The following SLCO1B3 variants were observed in gnomAD, a reference collection of about 807,000 sequenced individuals.
SLCO1B3 encodes the protein liver-specific organic anion transporter 2.
A neutral mutation model predicts 71.8 loss-of-function variants in SLCO1B3; 72 were observed. The ratio of observed to expected loss-of-function variants is 1.00; its 90% confidence interval spans 0.83 to 1.22. The LOEUF (loss-of-function observed/expected upper bound fraction) is 1.22. Ranked by LOEUF, SLCO1B3 falls within the 50% of genes most tolerant of loss-of-function variation. The pLI, the probability that SLCO1B3 is intolerant of heterozygous loss-of-function variation, is 0.00. For missense variants in SLCO1B3, 911 were observed against 819.7 expected, an observed-to-expected ratio of 1.11 and a Z score of -1.36; for synonymous variants, 298 against 278.4, an observed-to-expected ratio of 1.07 and a Z score of -0.70.
chr12:20,839,040 A>G (rs1450287492), intron 3 of SLCO1B3, among the ~76,000 whole-genome samples: 2 of 152,002 alleles, frequency 1.3e-5, no homozygotes, highest in Non-Finnish European at 2.9e-5. Flanking sequence ...CTTTCAAATT[A>G]CACCATACTG....
intron 13 of SLCO1B3, among the ~76,000 whole-genome samples, chr12:20,893,879 A>G (rs1865951570): frequency 6.6e-6 from 1 of 152,218 alleles, no homozygotes; most frequent in African/African-American, 2.4e-5. Flanking sequence ...CAAAACATCA[A>G]TTGAAAAGGC....
intron 3 of SLCO1B3, among the ~76,000 whole-genome samples, chr12:20,851,306 A>G (rs1049025812): frequency 6.6e-6 from 1 of 152,168 alleles, no homozygotes; most frequent in Non-Finnish European, 1.5e-5. Flanking sequence ...AGTGGATCCA[A>G]CTTTTTCACA....
chr12:20,910,439 T>C (rs1227301264), intron 15 of SLCO1B3, among the ~76,000 whole-genome samples: 1 of 152,196 alleles, frequency 6.6e-6, no homozygotes, highest in Non-Finnish European at 1.5e-5. Flanking sequence ...ATTTAGCATC[T>C]TTTGCCTCTT....
At chr12:20,849,651 A>T (rs2121203199) in intron 3 of SLCO1B3, among the ~76,000 whole-genome samples, 1 of 152,032 alleles carries the variant, frequency 6.6e-6, no homozygotes, top group East Asian at 1.9e-4. Context: ...AGAGAAGCCC[A>T]AAGAATCCAC....
rs760250617 is a variant in SLCO1B3, at chr12:20,877,857, T to G, written c.1056T>G (p.Phe352Leu). The G allele has an allele frequency of 3.1e-6, 5 of 1,591,016 alleles. No homozygotes were observed. Among genetic ancestry groups the G allele is most frequent in the Non-Finnish European group, 4.3e-6 (5 of 1,169,078 alleles). Residue 352 changes from phenylalanine to leucine, a missense_variant, in exon 10 of 16, where the codon TTT (phenylalanine) becomes TTG (leucine). By Grantham distance (22) the Phe-to-Leu change is conservative. Coordinates refer to ENST00000381545, the MANE Select transcript of SLCO1B3 (RefSeq NM_019844.4). Reference sequence around the variant, plus strand: ...TGACATTGTTACAAGTAAGCAGCTTTATTGGTTCTTTTACTTACGTCTTTA... The same window carrying G: ...TGACATTGTTACAAGTAAGCAGCTTGATTGGTTCTTTTACTTACGTCTTTA... ...LLLTLLQVSS[F>L]IGSFTYVFKY...
At chr12:20,911,565 G>T (rs150780708) in intron 15 of SLCO1B3, among the ~76,000 whole-genome samples, 1 of 152,130 alleles carries the variant, frequency 6.6e-6, no homozygotes, top group Non-Finnish European at 1.5e-5. Flanking sequence ...AACCCATCTT[G>T]GTTTGGTGTT....
In SLCO1B3 at chr12:20,878,012, T is replaced by C. The variant is rs989581054; in HGVS notation, c.1135+76T>C. 7 of 967,410 alleles carry C rather than the reference T, an allele frequency of 7.2e-6. No homozygotes were observed. In the African/African-American group the frequency reaches 8.6e-5, roughly 12 times the overall value. The allele number at this position is 967,410 out of a possible 1,614,324, so 59.9% of individuals were successfully genotyped here. A position where few individuals can be genotyped will look rare whatever the true frequency, so the allele number is the denominator to read the frequency against. On this transcript the variant is annotated intron_variant, in intron 10 of 15. Transcript: ENST00000381545. Reference sequence around the variant, plus strand: ...ACTTGTGTTCCAAGTCACATTTTATTATGAAGGTGATTTTATATTTTACTA... The same window carrying C: ...ACTTGTGTTCCAAGTCACATTTTATCATGAAGGTGATTTTATATTTTACTA...
At chr12:20,841,171 T>C (rs964137917) in intron 3 of SLCO1B3, among the ~76,000 whole-genome samples, 2 of 152,184 alleles carry the variant, frequency 1.3e-5, no homozygotes, top group Non-Finnish European at 2.9e-5. Context: ...ATATTTACTT[T>C]GTCTCTCCAT....
At chr12:20,856,750 A>T (rs7307957) in intron 4 of SLCO1B3, among the ~76,000 whole-genome samples, 1 of 152,042 alleles carries the variant, frequency 6.6e-6, no homozygotes, top group East Asian at 1.9e-4. Flanking sequence ...AAGTGGAGAC[A>T]GGTTTTCACC....
rs1865251071 is a variant in SLCO1B3, at chr12:20,861,005, T to C, written c.360-12T>C. The C allele has an allele frequency of 6.4e-7, 1 of 1,552,854 alleles. No individual in the cohort carries two copies. Among genetic ancestry groups the C allele is most frequent in the South Asian group, 1.2e-5 (1 of 83,250 alleles). On this transcript the variant is annotated splice_polypyrimidine_tract_variant and intron_variant, in intron 5 of 15. Transcript: ENST00000381545. ...GATAAGCAAAATGTTCAATTTCATGTTGCTCTTACAGTTATAGGTATTCTA... is the reference window on the plus strand; with the variant it reads ...GATAAGCAAAATGTTCAATTTCATGCTGCTCTTACAGTTATAGGTATTCTA...
At chr12:20,853,295 T>C (rs1388263267) in intron 3 of SLCO1B3, among the ~76,000 whole-genome samples, 1 of 152,062 alleles carries the variant, frequency 6.6e-6, no homozygotes, top group Non-Finnish European at 1.5e-5. Flanking sequence ...TGGAGTTTCT[T>C]TCAAAAGTAT....
intron 14 of SLCO1B3, among the ~76,000 whole-genome samples, chr12:20,899,957 G>T (rs966325437): frequency 1.3e-5 from 2 of 152,062 alleles, no homozygotes; most frequent in Non-Finnish European, 2.9e-5. Context: ...TGTGTAAATG[G>T]TAGAAGACCT....
chr12:20,826,073 A>G (rs370635009), intron 3 of SLCO1B3, among the ~76,000 whole-genome samples: 8 of 152,194 alleles, frequency 5.3e-5, no homozygotes, highest in African/African-American at 1.7e-4. Context: ...ATAACATGCA[A>G]TCAAAACTAA....
intron 3 of SLCO1B3, among the ~76,000 whole-genome samples, chr12:20,833,420 T>G (rs1864585752): frequency 6.7e-6 from 1 of 149,896 alleles, no homozygotes; most frequent in African/African-American, 2.4e-5. Context: ...ATATATATAG[T>G]TTATATATGT....
rs551740701 is a variant in SLCO1B3 at position 20,913,758 on chromosome 12, T to C, written c.1866-2246T>C. ...TGGTTTTAATCCTCTAACAATCTTATTGTTATCTTTTGAGATGGGGTCTCA... is the reference window on the plus strand; with the variant it reads ...TGGTTTTAATCCTCTAACAATCTTACTGTTATCTTTTGAGATGGGGTCTCA... On this transcript the variant is annotated intron_variant, in intron 15 of 15. Coordinates refer to ENST00000381545, the MANE Select transcript of SLCO1B3 (RefSeq NM_019844.4). Among the ~76,000 whole-genome samples the C allele has an allele frequency of 2.0e-5, 3 of 152,282 alleles. No individual in the cohort carries two copies. The South Asian group carries it at 6.2e-4, about 32-fold the overall frequency.
intron 3 of SLCO1B3, among the ~76,000 whole-genome samples, chr12:20,830,250 T>C (rs1864511141): frequency 6.6e-6 from 1 of 152,164 alleles, no homozygotes. Flanking sequence ...TACAAATTTG[T>C]AAATCAAAAG....
At chr12:20,876,428 A>G (rs921845442) in intron 9 of SLCO1B3, among the ~76,000 whole-genome samples, 3 of 152,310 alleles carry the variant, frequency 2.0e-5, no homozygotes, top group Admixed American at 6.5e-5. Context: ...TCATTGAAGT[A>G]AACTTACAAA....
At chr12:20,899,050 T>G (rs1866075788) in intron 14 of SLCO1B3, among the ~76,000 whole-genome samples, 1 of 152,170 alleles carries the variant, frequency 6.6e-6, no homozygotes, top group African/African-American at 2.4e-5. Flanking sequence ...GAACTAGGCT[T>G]GTTGGATTAT....
At chr12:20,825,338 G>C (rs759646561) in intron 3 of SLCO1B3, among the ~76,000 whole-genome samples, 11 of 152,116 alleles carry the variant, frequency 7.2e-5, no homozygotes, top group Non-Finnish European at 1.5e-4. Context: ...CCTGGGATTA[G>C]AGGGGTTCAG....
Sources: gnomAD v4.1 joint callset for allele counts (sites outside exome capture counted in the v4.1 genomes callset) on GRCh38, gnomAD v4.1.1 for gene constraint, MANE v1.5 for transcripts, NCBI Gene and HGNC (gene_info 2026-07-23, HGNC 2026-07-21) for gene names.